The following SLC24A3 variants were observed in gnomAD, a reference collection of about 807,000 sequenced individuals.
SLC24A3 encodes sodium/potassium/calcium exchanger 3.
A neutral mutation model predicts 75.8 loss-of-function variants in SLC24A3; 28 were observed. That is an observed-to-expected ratio of 0.37 (90% confidence interval 0.27 to 0.51). The LOEUF (loss-of-function observed/expected upper bound fraction) is 0.51. SLC24A3 is among the 20% of genes least tolerant of loss of function. The probability of loss-of-function intolerance (pLI) is 0.94; values close to 1 mark genes in which losing one functional copy is unlikely to be tolerated. For missense variants in SLC24A3, 663 were observed against 847.8 expected (o/e 0.78, Z 2.71); for synonymous variants, 372 against 334.1 (o/e 1.11, Z -1.24).
At chr20:19,425,586 G>A (rs1986992647) in intron 2 of SLC24A3, among the ~76,000 whole-genome samples, 1 of 152,142 alleles carries the variant, frequency 6.6e-6, no homozygotes. Context: ...GCTTGTCCCA[G>A]TATTGCTGTC....
chr20:19,540,343 G>A (rs559506870), intron 3 of SLC24A3, among the ~76,000 whole-genome samples: 1 of 152,274 alleles, frequency 6.6e-6, no homozygotes, highest in East Asian at 1.9e-4. Flanking sequence ...AAGGAACGCA[G>A]GGAGTGGTGC....
chr20:19,508,558 C>T (rs944697844), intron 2 of SLC24A3, among the ~76,000 whole-genome samples: 1 of 151,944 alleles, frequency 6.6e-6, no homozygotes, highest in Non-Finnish European at 1.5e-5. Flanking sequence ...CGTTTAGACT[C>T]ATCAAACTCG....
At chr20:19,531,884 T>C (rs1368778644) in intron 3 of SLC24A3, among the ~76,000 whole-genome samples, 2 of 152,150 alleles carry the variant, frequency 1.3e-5, no homozygotes, top group African/African-American at 2.4e-5. Context: ...GATGGATAAT[T>C]AAGGCTCAGA....
At chr20:19,354,656 A>G (rs1327913567) in intron 2 of SLC24A3, among the ~76,000 whole-genome samples, 2 of 151,340 alleles carry the variant, frequency 1.3e-5, no homozygotes, top group Non-Finnish European at 1.5e-5. Flanking sequence ...TCATAGAATG[A>G]TGTTCAACAT....
chr20:19,212,909 C>T lies in SLC24A3; in HGVS notation c.67C>T (p.Leu23=), dbSNP rs1277690118. The T allele has an allele frequency of 2.2e-6, 3 of 1,346,138 alleles. No individual in the cohort carries two copies. Among genetic ancestry groups the T allele is most frequent in the Admixed American group, 2.6e-5 (1 of 38,066 alleles). 83.4% of individuals were successfully genotyped at this position (1,346,138 alleles called of 1,614,324 possible). A position where few individuals can be genotyped will look rare whatever the true frequency, so the allele number is the denominator to read the frequency against. ...RRRRRRRRDL[L]LSQLCFLASV... is the part of the protein sequence containing the mutation. ...CCGCCGCCGCCGCCGGAGGGACCTT[C>T]TGCTGAGCCAGCTCTGCTTCCTGGC... The change falls in exon 1 of 17, where the codon CTG becomes TTG. Residue 23 remains leucine (L), a synonymous_variant. Transcript: ENST00000328041.
At chr20:19,379,996 G>A (rs1014994673) in intron 2 of SLC24A3, among the ~76,000 whole-genome samples, 1 of 152,166 alleles carries the variant, frequency 6.6e-6, no homozygotes, top group African/African-American at 2.4e-5. Flanking sequence ...ACCCTACTTG[G>A]TGCTTGGGAA....
rs571466082 is a variant in SLC24A3 at position 19,263,654 on chromosome 20, A to T, written c.143-17305A>T. ...CTCCTTTCCCTGCCTTCCCTTACCT[A>T]TCAGTGGATCTCAGACTCTGGGCTG... is the stretch of plus-strand genomic sequence containing the variant. On this transcript the variant is annotated intron_variant, in intron 1 of 16. Coordinates refer to ENST00000328041, the MANE Select transcript of SLC24A3 (RefSeq NM_020689.4). 3.9e-5 allele frequency among the ~76,000 whole-genome samples: 6 copies of T among 152,238 alleles called. No homozygotes were observed. The East Asian group carries it at 1.2e-3, about 29-fold the overall frequency.
At chr20:19,526,212 T>C (rs2030196501) in intron 3 of SLC24A3, among the ~76,000 whole-genome samples, 1 of 152,180 alleles carries the variant, frequency 6.6e-6, no homozygotes, top group Admixed American at 6.5e-5. Context: ...GTGCATTTCC[T>C]CCAGTGCTGG....
At chr20:19,466,500 C>A (rs1462601843) in intron 2 of SLC24A3, among the ~76,000 whole-genome samples, 1 of 152,158 alleles carries the variant, frequency 6.6e-6, no homozygotes, top group Admixed American at 6.5e-5. Flanking sequence ...TAAGGGAAGC[C>A]TCTTATGCTT....
At chr20:19,394,692 T>TA (rs1416030561) in intron 2 of SLC24A3, among the ~76,000 whole-genome samples, 2 of 152,114 alleles carry the variant, frequency 1.3e-5, no homozygotes, top group South Asian at 2.1e-4. Flanking sequence ...ATGGCTGTCA[T>TA]AAAAAACAAA....
chr20:19,578,433 T>C (rs867990277), intron 3 of SLC24A3, among the ~76,000 whole-genome samples: 2 of 152,072 alleles, frequency 1.3e-5, no homozygotes, highest in South Asian at 2.1e-4. Flanking sequence ...TTTCTCTATA[T>C]GACAGCTGCC....
At chr20:19,213,023 T>G in intron 1 of SLC24A3, 39 bp downstream of exon 1, 1 of 1,213,016 alleles carries the variant, frequency 8.2e-7, no homozygotes. Flanking sequence ...GCGCTGCGGC[T>G]CCGGCGGCTC....
At chr20:19,543,672 A>C (rs914815032) in intron 3 of SLC24A3, among the ~76,000 whole-genome samples, 1 of 152,220 alleles carries the variant, frequency 6.6e-6, no homozygotes, top group Non-Finnish European at 1.5e-5. Flanking sequence ...GAAGTCTGGC[A>C]TCTTGGGCTC....
At chr20:19,496,607 G>T (rs1412754525) in intron 2 of SLC24A3, among the ~76,000 whole-genome samples, 1 of 152,286 alleles carries the variant, frequency 6.6e-6, no homozygotes, top group South Asian at 2.1e-4. Context: ...CCTGAGCCTG[G>T]CATGAGCATT....
intron 2 of SLC24A3, among the ~76,000 whole-genome samples, chr20:19,356,269 G>C (rs952715191): frequency 9.2e-5 from 14 of 152,194 alleles, no homozygotes; most frequent in Admixed American, 9.2e-4. Context: ...CTGCAGACTT[G>C]TCACTGCACA....
chr20:19,630,224 T>A (rs1288386111), intron 6 of SLC24A3, among the ~76,000 whole-genome samples: 1 of 152,188 alleles, frequency 6.6e-6, no homozygotes, highest in East Asian at 1.9e-4. Flanking sequence ...TGTCAAAGTT[T>A]AAAACATTAT....
At chr20:19,666,794 T>C (rs558490140) in intron 8 of SLC24A3, among the ~76,000 whole-genome samples, 6 of 152,222 alleles carry the variant, frequency 3.9e-5, no homozygotes, top group Non-Finnish European at 7.4e-5. Flanking sequence ...GAACAGAAAC[T>C]GTTGCCCAAA....
intron 1 of SLC24A3, among the ~76,000 whole-genome samples, chr20:19,223,091 G>A (rs1160368202): frequency 2.6e-5 from 4 of 152,074 alleles, no homozygotes; most frequent in Non-Finnish European, 5.9e-5. Context: ...TCAGGAGTTC[G>A]AGATCAGCCT....
At chr20:19,596,376 A>G in intron 6 of SLC24A3, among the ~76,000 whole-genome samples, 1 of 152,216 alleles carries the variant, frequency 6.6e-6, no homozygotes, top group East Asian at 1.9e-4. Context: ...ACACTCCTGG[A>G]TATTTGCCCT....
Sources: allele counts gnomAD v4.1 joint callset (sites outside exome capture counted in the v4.1 genomes callset), GRCh38; gene constraint gnomAD v4.1.1; transcripts MANE v1.5; gene names NCBI Gene and HGNC (gene_info 2026-07-23, HGNC 2026-07-21).